Variants in MKLN1 observed in about 807,000 individuals in gnomAD.
The protein encoded by MKLN1 is muskelin.
MKLN1 carries 18 observed loss-of-function variants against 99.0 expected under a neutral mutation model. The observed-to-expected ratio is 0.18, with a 90% CI of 0.13 to 0.27. MKLN1 has a LOEUF of 0.27. MKLN1 is among the 10% of genes least tolerant of loss of function. The pLI, the probability that MKLN1 is intolerant of heterozygous loss-of-function variation, is 1.00. For missense variants in MKLN1, 621 were observed against 875.9 expected (o/e 0.71, Z 3.67); for synonymous variants, 288 against 293.2 (o/e 0.98, Z 0.18).
At chr7:131,288,625 G>A (rs1468462137) in intron 3 of MKLN1, among the ~76,000 whole-genome samples, 1 of 152,218 alleles carries the variant, frequency 6.6e-6, no homozygotes, top group Non-Finnish European at 1.5e-5. Context: ...GCAACGAGGA[G>A]TGGGAAGGTG....
upstream of MKLN1, among the ~76,000 whole-genome samples, chr7:131,323,198 TG>T (rs1379056925): frequency 6.6e-6 from 1 of 152,072 alleles, no homozygotes; most frequent in Non-Finnish European, 1.5e-5. Context: ...ATGTGTACAT[TG>T]TGAAATTTTA....
intron 1 of MKLN1, among the ~76,000 whole-genome samples, chr7:131,116,628 G>C (rs1795281983): frequency 6.6e-6 from 1 of 151,620 alleles, no homozygotes; most frequent in African/African-American, 2.4e-5. Context: ...ATATCTGATA[G>C]AACATGGAAA....
At chr7:131,285,136 G>A (rs1320759752) in intron 3 of MKLN1, 1 of 152,356 alleles carries the variant, frequency 6.6e-6, no homozygotes, top group Non-Finnish European at 1.5e-5. Flanking sequence ...TCTCCTGGCT[G>A]CTGTCCTAAG....
rs58377694 is a variant in MKLN1, at chr7:131,355,628, CTA to C, written c.99-19776_99-19775del. 6.7e-4 allele frequency among the ~76,000 whole-genome samples: 92 copies of C among 136,844 alleles called. 1 individual carries two copies. Among genetic ancestry groups the C allele is most frequent in the South Asian group, 2.1e-3 (9 of 4,316 alleles). 89.8% of individuals were successfully genotyped at this position (136,844 alleles called of 152,430 possible). A position where few individuals can be genotyped will look rare whatever the true frequency, so the allele number is the denominator to read the frequency against. Reference sequence around the variant, plus strand: ...AGGCTCTGATTTCTTTAACTTGATACTATATATATATATATATATATGCTTTA... The same window carrying C: ...AGGCTCTGATTTCTTTAACTTGATACTATATATATATATATATATGCTTTA... On this transcript the variant is annotated intron_variant, in intron 1 of 17. Coordinates refer to ENST00000352689, the MANE Select transcript of MKLN1 (RefSeq NM_013255.5).
intron 6 of MKLN1, among the ~76,000 whole-genome samples, chr7:131,400,429 G>A (rs1350519120): frequency 1.3e-5 from 2 of 150,252 alleles, no homozygotes; most frequent in African/African-American, 4.9e-5. Flanking sequence ...ATAAATGATA[G>A]GTATGTTTGA....
chr7:131,334,302 CT>C (rs2116704279), intron 1 of MKLN1, among the ~76,000 whole-genome samples: 1 of 152,310 alleles, frequency 6.6e-6, no homozygotes, highest in South Asian at 2.1e-4. Flanking sequence ...CCTTTTCTCC[CT>C]TTTCTCCCTA....
intron 1 of MKLN1, among the ~76,000 whole-genome samples, chr7:131,129,662 C>G (rs932367308): frequency 3.3e-5 from 5 of 152,194 alleles, no homozygotes; most frequent in Non-Finnish European, 5.9e-5. Context: ...CAGCCTTGAC[C>G]TCCTGGGCTC....
intron 3 of MKLN1, among the ~76,000 whole-genome samples, chr7:131,258,282 A>G (rs1320459428): frequency 2.0e-5 from 3 of 151,206 alleles, no homozygotes; most frequent in African/African-American, 7.3e-5. Flanking sequence ...GCAGAATTGG[A>G]AAGAGTGGGT....
intron 10 of MKLN1, among the ~76,000 whole-genome samples, chr7:131,438,821 C>T (rs1795746786): frequency 6.6e-6 from 1 of 151,646 alleles, no homozygotes; most frequent in African/African-American, 2.4e-5. Context: ...GGAGGTGGTG[C>T]TAGAATTATG....
intron 1 of MKLN1, among the ~76,000 whole-genome samples, chr7:131,353,297 T>C (rs1009016076): frequency 1.3e-5 from 2 of 152,152 alleles, no homozygotes; most frequent in Non-Finnish European, 2.9e-5. Flanking sequence ...ATCTTTTAGC[T>C]ATTATGATAG....
intron 6 of MKLN1, among the ~76,000 whole-genome samples, chr7:131,405,560 C>G (rs1474900254): frequency 6.6e-6 from 1 of 152,088 alleles, no homozygotes; most frequent in Non-Finnish European, 1.5e-5. Context: ...AGTTTTCAGA[C>G]TTTGAAAATT....
Position 131,394,511 on chromosome 7 carries a change from A to T in MKLN1, c.401-2756A>T, listed in dbSNP as rs146310353. Among the ~76,000 whole-genome samples, 4 of 152,200 alleles carry T rather than the reference A, an allele frequency of 2.6e-5. No individual in the cohort carries two copies. In the East Asian group the frequency reaches 7.7e-4, roughly 29 times the overall value. On this transcript the variant is annotated intron_variant, in intron 4 of 17. Transcript: ENST00000352689. ...GCAGTCCTTTGAGAATCTAATGCCA[A>T]CGCTGATCTGACAGGAGGCAGAGCC... is the stretch of plus-strand genomic sequence containing the variant.
intron 2 of MKLN1, among the ~76,000 whole-genome samples, chr7:131,173,997 G>T: frequency 7.1e-6 from 1 of 141,132 alleles, no homozygotes; most frequent in African/African-American, 2.8e-5. Context: ...TTTTGAGACG[G>T]GAGTCTCGGT....
chr7:131,119,512 G>A (rs1467919134), intron 1 of MKLN1, among the ~76,000 whole-genome samples: 4 of 152,206 alleles, frequency 2.6e-5, no homozygotes, highest in African/African-American at 9.7e-5. Flanking sequence ...GCTCTAGTGG[G>A]GACTTTGTGT....
At position 131,463,222 on chromosome 7, in the gene MKLN1, A is replaced by G. The variant is rs772254231; in HGVS notation, c.1531A>G (p.Met511Val). Reference sequence around the variant, plus strand: ...TTTTTTTCTTTAATTTGTAGTTCCAATGACAGGATTTACACAGAGAGCAAC... The same window carrying G: ...TTTTTTTCTTTAATTTGTAGTTCCAGTGACAGGATTTACACAGAGAGCAAC... ...GTKKDSGMVP[M>V]TGFTQRATID... The change falls in exon 13 of 18, where the codon ATG becomes GTG. Residue 511 changes from methionine (M) to valine (V), a missense_variant. Met to Val is a conservative substitution (Grantham distance 21). Coordinates refer to ENST00000352689, the MANE Select transcript of MKLN1 (RefSeq NM_013255.5). The G allele has an allele frequency of 6.2e-7, 1 of 1,608,954 alleles. No individual in the cohort carries two copies. The highest frequency in any genetic ancestry group is 8.5e-7 in the Non-Finnish European group (1 of 1,176,786).
At chr7:131,262,732 G>C (rs60317144) in intron 3 of MKLN1, among the ~76,000 whole-genome samples, 6,168 of 151,780 alleles carry the variant, frequency 0.041, 406 homozygotes, top group African/African-American at 0.14. Context: ...TGTATTTTTA[G>C]TAGAGACGGG....
chr7:131,364,616 T>C (rs924912106), intron 1 of MKLN1, among the ~76,000 whole-genome samples: 3 of 152,072 alleles, frequency 2.0e-5, no homozygotes, highest in Admixed American at 1.3e-4. Flanking sequence ...TTTTCTGCTC[T>C]TCTCATTCCT....
intron 3 of MKLN1, among the ~76,000 whole-genome samples, chr7:131,243,690 G>A (rs907679657): frequency 2.6e-5 from 4 of 152,164 alleles, no homozygotes; most frequent in Non-Finnish European, 5.9e-5. Flanking sequence ...CAGGAAAGAA[G>A]ACGCTTTAGT....
intron 1 of MKLN1, among the ~76,000 whole-genome samples, chr7:131,337,424 G>A (rs1799280864): frequency 6.6e-6 from 1 of 151,746 alleles, no homozygotes; most frequent in Non-Finnish European, 1.5e-5. Context: ...ATCCGTTCTG[G>A]ATAGTTTTTA....
Sources: allele counts gnomAD v4.1 joint callset (sites outside exome capture counted in the v4.1 genomes callset), GRCh38; gene constraint gnomAD v4.1.1; transcripts MANE v1.5; gene names NCBI Gene and HGNC (gene_info 2026-07-23, HGNC 2026-07-21).